Variants in SHISA9 observed in about 807,000 individuals in gnomAD.
SHISA9 encodes shisa family member 9.
A neutral mutation model predicts 38.0 loss-of-function variants in SHISA9; 13 were observed. That is an observed-to-expected ratio of 0.34 (90% CI 0.22 to 0.54). The LOEUF (loss-of-function observed/expected upper bound fraction) is 0.54. Among genes scored for constraint, SHISA9 ranks in the 20% least tolerant of loss-of-function variants. The pLI, the probability that SHISA9 is intolerant of heterozygous loss-of-function variation, is 0.91. For missense variants in SHISA9, 538 were observed against 575.8 expected, an observed-to-expected ratio of 0.93 and a Z score of 0.67; for synonymous variants, 275 against 242.0, an observed-to-expected ratio of 1.14 and a Z score of -1.27.
Position 13,158,836 on chromosome 16 carries a change from C to G in SHISA9, c.692-44558C>G, listed in dbSNP as rs1416434010. On this transcript the variant is annotated intron_variant, in intron 2 of 4. Coordinates refer to ENST00000558583, the MANE Select transcript of SHISA9 (RefSeq NM_001145204.3). ...CTTTGGGAGGCTGAGGTGGGCGGAT[C>G]ACGAGGTCAGGAGGGCGAGACCATC... Among the ~76,000 whole-genome samples, 5 of 150,256 alleles carry G rather than the reference C, an allele frequency of 3.3e-5. No individual in the cohort carries two copies. In the East Asian group the frequency reaches 9.8e-4, roughly 29 times the overall value.
intron 2 of SHISA9, among the ~76,000 whole-genome samples, chr16:12,948,240 G>T (rs66688919): frequency 2.0e-5 from 3 of 152,018 alleles, no homozygotes; most frequent in African/African-American, 2.4e-5. Context: ...TGGCAGAGCC[G>T]GGATTTGAAC....
At chr16:13,071,797 C>T (rs1475168296) in intron 2 of SHISA9, among the ~76,000 whole-genome samples, 1 of 151,950 alleles carries the variant, frequency 6.6e-6, no homozygotes, top group African/African-American at 2.4e-5. Context: ...ACCACCATGC[C>T]CGGCTTTTAT....
the SHISA9 span, among the ~76,000 whole-genome samples, chr16:13,433,257 C>A: frequency 6.6e-6 from 1 of 152,174 alleles, no homozygotes; most frequent in Non-Finnish European, 1.5e-5. Flanking sequence ...AACTTCAGAT[C>A]CACCATTTAA....
At chr16:13,324,917 G>A in the SHISA9 span, among the ~76,000 whole-genome samples, 21 of 152,318 alleles carry the variant, frequency 1.4e-4, no homozygotes, top group African/African-American at 4.1e-4. Context: ...GGCCATAGGT[G>A]GATTCAAAGT....
chr16:12,965,369 G>C (rs1300979730), intron 2 of SHISA9, among the ~76,000 whole-genome samples: 1 of 152,168 alleles, frequency 6.6e-6, no homozygotes, highest in African/African-American at 2.4e-5. Context: ...CACCTCCTCA[G>C]AAAGAAACAC....
intron 2 of SHISA9, among the ~76,000 whole-genome samples, chr16:13,193,182 C>T (rs2050903365): frequency 6.6e-6 from 1 of 152,102 alleles, no homozygotes; most frequent in Admixed American, 6.6e-5. Context: ...ATTAGTTTTG[C>T]CAACAGACAA....
rs376292354 is a variant in SHISA9 at position 12,905,410 on chromosome 16, G to A, written c.563+2783G>A. On this transcript the variant is annotated intron_variant, in intron 1 of 4. Transcript: ENST00000558583. ...ATCCACAGAGATTGTGAATCAATAG[G>A]TTCTGGGTGGGCCCGAGAAATCTTC... Among the ~76,000 whole-genome samples, 4 of 152,034 alleles carry A rather than the reference G, an allele frequency of 2.6e-5. No homozygotes were observed. The East Asian group carries it at 5.8e-4, about 22-fold the overall frequency.
At chr16:13,368,738 CAAAAA>C in the SHISA9 span, among the ~76,000 whole-genome samples, 1 of 141,754 alleles carries the variant, frequency 7.1e-6, no homozygotes, top group African/African-American at 2.6e-5. Flanking sequence ...AAGATATGTG[CAAAAA>C]AAAAAAAACC....
the SHISA9 span, among the ~76,000 whole-genome samples, chr16:13,422,748 A>C: frequency 0.73 from 110,421 of 152,050 alleles, 40,328 homozygotes; most frequent in Admixed American, 0.82. Flanking sequence ...ACCACCACCA[A>C]CAACAACAAA....
chr16:13,231,507 A>G (rs2051331505), intron 4 of SHISA9, among the ~76,000 whole-genome samples: 1 of 152,198 alleles, frequency 6.6e-6, no homozygotes, highest in Admixed American at 6.5e-5. Context: ...GGAATGTGTG[A>G]TCCTCACAGC....
intron 4 of SHISA9, among the ~76,000 whole-genome samples, chr16:13,229,631 C>A (rs970170639): frequency 5.9e-5 from 9 of 152,186 alleles, no homozygotes; most frequent in Non-Finnish European, 1.3e-4. Context: ...TTTTAAAGCT[C>A]CCCCATGTGA....
At chr16:13,205,262 C>T (rs1381834632) in intron 3 of SHISA9, among the ~76,000 whole-genome samples, 1 of 152,236 alleles carries the variant, frequency 6.6e-6, no homozygotes, top group Non-Finnish European at 1.5e-5. Context: ...ACTACTTCAT[C>T]AGTCCCACAT....
the SHISA9 span, among the ~76,000 whole-genome samples, chr16:13,318,059 A>G: frequency 6.6e-6 from 1 of 150,430 alleles, no homozygotes; most frequent in Non-Finnish European, 1.5e-5. Context: ...CAATGTCTAT[A>G]ATCTATATGC....
chr16:13,541,458 T>C, the SHISA9 span, among the ~76,000 whole-genome samples: 6 of 152,212 alleles, frequency 3.9e-5, no homozygotes, highest in African/African-American at 1.4e-4. Context: ...CAAAGTTTTG[T>C]TGCAGTCTAC....
intron 4 of SHISA9, among the ~76,000 whole-genome samples, chr16:13,220,762 G>C (rs1372393308): frequency 6.7e-6 from 1 of 150,054 alleles, no homozygotes; most frequent in Non-Finnish European, 1.5e-5. Flanking sequence ...CGGTGGGAGG[G>C]GATCTGTGCT....
chr16:13,387,637 G>A, the SHISA9 span, among the ~76,000 whole-genome samples: 2 of 151,910 alleles, frequency 1.3e-5, no homozygotes, highest in Admixed American at 6.6e-5. Context: ...TTACAGGCAC[G>A]TGCCACCACG....
chr16:13,479,939 G>A, the SHISA9 span, among the ~76,000 whole-genome samples: 1 of 152,218 alleles, frequency 6.6e-6, no homozygotes, highest in African/African-American at 2.4e-5. Context: ...AGATGGCTTA[G>A]GAGGCGGACT....
At chr16:13,029,312 G>C (rs1420512818) in intron 2 of SHISA9, among the ~76,000 whole-genome samples, 1 of 152,186 alleles carries the variant, frequency 6.6e-6, no homozygotes, top group Non-Finnish European at 1.5e-5. Context: ...GCCATAAAAA[G>C]AATGAGATCT....
At chr16:13,247,596 T>A in the SHISA9 span, among the ~76,000 whole-genome samples, 1 of 152,118 alleles carries the variant, frequency 6.6e-6, no homozygotes, top group Non-Finnish European at 1.5e-5. Context: ...AATAAATAAA[T>A]AAAAATACCT....
Sources: gnomAD v4.1 joint callset for allele counts (sites outside exome capture counted in the v4.1 genomes callset) on GRCh38, gnomAD v4.1.1 for gene constraint, MANE v1.5 for transcripts, NCBI Gene and HGNC (gene_info 2026-07-23, HGNC 2026-07-21) for gene names.